IGF1R: variants seen among roughly 807,000 people sequenced by gnomAD.
The protein encoded by IGF1R is insulin like growth factor 1 receptor, also known as insulin-like growth factor 1 receptor.
A neutral mutation model predicts 144.6 loss-of-function variants in IGF1R; 44 were observed. The ratio of observed to expected loss-of-function variants is 0.30; its 90% confidence interval spans 0.24 to 0.39. The LOEUF is 0.39. IGF1R is among the 10% of genes least tolerant of loss of function. The pLI, the probability that IGF1R is intolerant of heterozygous loss-of-function variation, is 1.00. For synonymous variants in IGF1R, 795 were observed against 722.8 expected (o/e 1.10, Z -1.60); for missense variants, 1,355 against 1,833.7 (o/e 0.74, Z 4.77).
intron 2 of IGF1R, among the ~76,000 whole-genome samples, chr15:98,715,093 A>T (rs188032044): frequency 1.3e-5 from 2 of 152,204 alleles, no homozygotes; most frequent in Non-Finnish European, 2.9e-5. Context: ...TGTGGGGGTG[A>T]TCTTTATTTA....
chr15:98,858,448 C>T (rs951593017), intron 2 of IGF1R, among the ~76,000 whole-genome samples: 2 of 152,198 alleles, frequency 1.3e-5, no homozygotes, highest in South Asian at 4.1e-4. Context: ...AAACATTTTC[C>T]TGAAAACATT....
intron 1 of IGF1R, among the ~76,000 whole-genome samples, chr15:98,661,799 C>T (rs1446032992): frequency 6.6e-6 from 1 of 152,160 alleles, no homozygotes; most frequent in South Asian, 2.1e-4. Flanking sequence ...TGTATCCAAG[C>T]TGCCCAGCAA....
chr15:98,955,991 T>G (rs2016965252), intron 20 of IGF1R, among the ~76,000 whole-genome samples: 1 of 152,256 alleles, frequency 6.6e-6, no homozygotes, highest in Non-Finnish European at 1.5e-5. Context: ...GAGAGGGCTG[T>G]TGGCGGTCAC....
intron 2 of IGF1R, among the ~76,000 whole-genome samples, chr15:98,813,092 C>T (rs7182064): frequency 0.074 from 11,231 of 152,160 alleles, 1,430 homozygotes; most frequent in African/African-American, 0.26. Flanking sequence ...TTTGATCTAA[C>T]TGACTTATGT....
intron 1 of IGF1R, among the ~76,000 whole-genome samples, chr15:98,656,238 C>T (rs7170329): frequency 0.034 from 5,105 of 152,186 alleles, 299 homozygotes; most frequent in African/African-American, 0.12. Flanking sequence ...CACACTGCAG[C>T]GATAGCTGGG....
At chr15:98,700,355 G>A (rs1031448151) in intron 1 of IGF1R, among the ~76,000 whole-genome samples, 2 of 152,116 alleles carry the variant, frequency 1.3e-5, no homozygotes, top group African/African-American at 4.8e-5. Flanking sequence ...AGAAGTAACA[G>A]GTGCACAGGC....
chr15:98,924,504 A>G (rs775231491), intron 12 of IGF1R, 21 bp from the exon 13 acceptor site: 6 of 1,613,354 alleles, frequency 3.7e-6, no homozygotes, highest in Non-Finnish European at 5.1e-6. Flanking sequence ...GGAAATTGAC[A>G]TGTATGTTTT....
At position 98,878,693 on chromosome 15, in the gene IGF1R, AAACAAC is replaced by A. The variant is rs1325197629; in HGVS notation, c.641-12626_641-12621del. Among the ~76,000 whole-genome samples, 281 of 126,128 alleles carry A rather than the reference AAACAAC, an allele frequency of 2.2e-3. 3 individuals are homozygous for A. Among genetic ancestry groups the A allele is most frequent in the African/African-American group, 9.5e-3 (264 of 27,804 alleles). 82.7% of individuals were successfully genotyped at this position (126,128 alleles called of 152,430 possible). On this transcript the variant is annotated intron_variant, in intron 2 of 20. Transcript: ENST00000650285. ...AAAAAAAAAAAAAAAAAAAAAAAAA[AAACAAC>A]AACAAAAAAAAGGCCAGGCACGGTG...
At chr15:98,694,927 CAG>C (rs924414396) in intron 1 of IGF1R, among the ~76,000 whole-genome samples, 10 of 152,274 alleles carry the variant, frequency 6.6e-5, no homozygotes, top group Admixed American at 1.3e-4. Context: ...TTAATAGAAA[CAG>C]GGTGTGATGA....
chr15:98,668,207 C>T (rs921187220), intron 1 of IGF1R, among the ~76,000 whole-genome samples: 5 of 152,154 alleles, frequency 3.3e-5, no homozygotes, highest in Non-Finnish European at 7.3e-5. Flanking sequence ...GGGGGCTCTA[C>T]CCTCAGGACC....
chr15:98,716,573 GAGTTT>G (rs2054122466), intron 2 of IGF1R, among the ~76,000 whole-genome samples: 2 of 152,212 alleles, frequency 1.3e-5, no homozygotes, highest in African/African-American at 2.4e-5. Context: ...ATGAGAGCTG[GAGTTT>G]CGTCTGATTG....
chr15:98,839,757 G>A (rs2011143272), intron 2 of IGF1R, among the ~76,000 whole-genome samples: 1 of 152,150 alleles, frequency 6.6e-6, no homozygotes, highest in African/African-American at 2.4e-5. Context: ...CCTCCACAGT[G>A]GCTGCTTCCT....
At chr15:98,767,277 AGT>A (rs753651272) in intron 2 of IGF1R, among the ~76,000 whole-genome samples, 13 of 152,094 alleles carry the variant, frequency 8.5e-5, no homozygotes, top group African/African-American at 2.4e-4. Flanking sequence ...GTCTTTTCTG[AGT>A]GTGAGTATTT....
chr15:98,889,708 T>TA (rs1596400813), intron 2 of IGF1R, among the ~76,000 whole-genome samples: 1 of 152,200 alleles, frequency 6.6e-6, no homozygotes, highest in East Asian at 1.9e-4. Flanking sequence ...AAGATATTAA[T>TA]AAAGGGGTCA....
At position 98,922,170 on chromosome 15, in the gene IGF1R, G is replaced by A; in HGVS notation, c.2224G>A (p.Val742Ile). ...VPRPERKRRD[V>I]MQVANTTMSS... is the part of the protein sequence containing the mutation. ...CAGACCTGAAAGGAAGCGGAGAGATGTCATGCAAGTGGCCAACACCACCAT... is the reference window on the plus strand; with the variant it reads ...CAGACCTGAAAGGAAGCGGAGAGATATCATGCAAGTGGCCAACACCACCAT... Residue 742 changes from valine (V) to isoleucine (I), a missense_variant, in exon 11 of 21, where the codon GTC becomes ATC. By Grantham distance (29) the Val-to-Ile change is conservative. This residue lies in a region of IGF1R where 880 missense variants were observed against 1,202.7 expected (regional missense o/e 0.73). Transcript: ENST00000650285. The A allele has an allele frequency of 1.9e-6, 3 of 1,614,210 alleles. No individual in the cohort carries two copies. Among genetic ancestry groups the A allele is most frequent in the Non-Finnish European group, 2.5e-6 (3 of 1,180,038 alleles).
chr15:98,916,911 C>G (rs1363352462), intron 10 of IGF1R, 35 bp downstream of exon 10: 6 of 1,584,088 alleles, frequency 3.8e-6, no homozygotes, highest in Middle Eastern at 1.7e-4. Context: ...GTTGGCAAAA[C>G]CCACTGCTCA....
intron 2 of IGF1R, among the ~76,000 whole-genome samples, chr15:98,716,662 C>T (rs918651661): frequency 1.3e-5 from 2 of 152,054 alleles, no homozygotes; most frequent in African/African-American, 2.4e-5. Flanking sequence ...AACTGCATTG[C>T]GGGAGTAGGC....
chr15:98,695,413 T>A (rs1015920217), intron 1 of IGF1R, among the ~76,000 whole-genome samples: 7 of 152,196 alleles, frequency 4.6e-5, no homozygotes, highest in Admixed American at 1.3e-4. Context: ...TTCAATCATA[T>A]GCACCTGGCT....
intron 1 of IGF1R, among the ~76,000 whole-genome samples, chr15:98,678,496 TA>T (rs5814889): frequency 0.82 from 119,285 of 146,306 alleles, 50,408 homozygotes; most frequent in Middle Eastern, 0.95. Context: ...GGCTGACACT[TA>T]AAAAAAAAAA....
Sources: gnomAD v4.1 joint callset for allele counts (sites outside exome capture counted in the v4.1 genomes callset) on GRCh38, gnomAD v4.1.1 for gene constraint, gnomAD v4.1.1 regional missense constraint, MANE v1.5 for transcripts, NCBI Gene and HGNC (gene_info 2026-07-23, HGNC 2026-07-21) for gene names.